The following BPIFC variants were observed in gnomAD, a reference collection of about 807,000 sequenced individuals.
BPIFC encodes the protein BPI fold containing family C, also known as BPI fold-containing family C protein.
BPIFC carries 60 observed loss-of-function variants against 57.6 expected under a neutral mutation model. That is an observed-to-expected ratio of 1.04 (90% CI 0.85 to 1.29). BPIFC has a LOEUF of 1.29. BPIFC is among the 50% of genes most tolerant of loss of function. The pLI is 0.00. For missense variants in BPIFC, 581 were observed against 600.5 expected, an observed-to-expected ratio of 0.97 and a Z score of 0.34; for synonymous variants, 243 against 224.5, an observed-to-expected ratio of 1.08 and a Z score of -0.74.
chr22:32,435,644 G>T (rs1471920618), intron 10 of BPIFC, 60 bp downstream of exon 10: 2 of 1,530,516 alleles, frequency 1.3e-6, no homozygotes, highest in Non-Finnish European at 1.8e-6. Context: ...TCTACAATAG[G>T]ATACTTATAA....
At chr22:32,459,444 A>G (rs1935111990) in intron 2 of BPIFC, among the ~76,000 whole-genome samples, 1 of 152,082 alleles carries the variant, frequency 6.6e-6, no homozygotes, top group African/African-American at 2.4e-5. Context: ...CGGGTGGATC[A>G]CGAGGTCAGG....
chr22:32,416,662 T>C (rs1207226914), intron 15 of BPIFC, among the ~76,000 whole-genome samples: 2 of 152,232 alleles, frequency 1.3e-5, no homozygotes, highest in African/African-American at 2.4e-5. Context: ...GAACAACTGC[T>C]GTGCAAGGAG....
At chr22:32,454,942 G>A (rs368013321) in intron 3 of BPIFC, among the ~76,000 whole-genome samples, 6 of 151,920 alleles carry the variant, frequency 3.9e-5, no homozygotes, top group African/African-American at 1.2e-4. Flanking sequence ...TACTTGTTGG[G>A]CCATATTTGC....
intron 9 of BPIFC, 72 bp from the exon 10 acceptor site, chr22:32,435,952 A>T: frequency 4.0e-6 from 6 of 1,493,356 alleles, no homozygotes; most frequent in Non-Finnish European, 5.4e-6. Flanking sequence ...AAGAAGATGG[A>T]CCCTCTGAAG....
At chr22:32,458,617 C>T (rs1935095914) in intron 2 of BPIFC, among the ~76,000 whole-genome samples, 1 of 152,200 alleles carries the variant, frequency 6.6e-6, no homozygotes, top group Admixed American at 6.5e-5. Context: ...CATTAGGGAA[C>T]TACTGAATGG....
chr22:32,422,104 G>A (rs541052727), intron 13 of BPIFC, among the ~76,000 whole-genome samples: 9 of 152,250 alleles, frequency 5.9e-5, no homozygotes, highest in Admixed American at 3.9e-4. Flanking sequence ...GCTGTGTTAC[G>A]ATTTTCATTT....
rs780757823 is a variant in BPIFC, at chr22:32,433,725, G to C, written c.972C>G (p.Leu324=). 1.2e-6 allele frequency: 2 copies of C among 1,613,902 alleles called. No individual in the cohort carries two copies. The highest frequency in any genetic ancestry group is 1.7e-5 in the Admixed American group (1 of 60,018). Residue 324 remains leucine, a synonymous_variant, in exon 11 of 17, where the codon CTC becomes CTG. Coordinates refer to ENST00000300399, the MANE Select transcript of BPIFC (RefSeq NM_174932.3). Reference sequence around the variant, plus strand: ...TCAAACCCTGAGCACTTACCCGGGAGAGCACGTTGCCAAGGCCTTGAGAGT... The same window carrying C: ...TCAAACCCTGAGCACTTACCCGGGACAGCACGTTGCCAAGGCCTTGAGAGT... ...VQNSQGLGNV[L]SRIAEIYILS...
At chr22:32,445,589 CT>C (rs1363312342) in intron 7 of BPIFC, 45 bp downstream of exon 7, 1 of 1,471,838 alleles carries the variant, frequency 6.8e-7, no homozygotes, top group Admixed American at 2.0e-5. Flanking sequence ...GATAGAACTT[CT>C]ACTAATGGCA....
intron 4 of BPIFC, among the ~76,000 whole-genome samples, chr22:32,447,659 G>A (rs537398864): frequency 2.0e-5 from 3 of 147,086 alleles, no homozygotes; most frequent in Non-Finnish European, 4.4e-5. Context: ...AGGTTGGAGT[G>A]CAGTGGTGTG....
At chr22:32,447,772 A>G (rs922693808) in intron 4 of BPIFC, among the ~76,000 whole-genome samples, 4 of 151,820 alleles carry the variant, frequency 2.6e-5, no homozygotes, top group Admixed American at 2.6e-4. Flanking sequence ...CACTTGGCTA[A>G]TATTTTTTAT....
At chr22:32,424,868 G>A (rs112461465) in intron 13 of BPIFC, among the ~76,000 whole-genome samples, 13,869 of 144,218 alleles carry the variant, frequency 0.096, 1,112 homozygotes, top group African/African-American at 0.21. Context: ...TGCAACCTCC[G>A]CTTCCTGCAT....
chr22:32,415,914 C>A lies in BPIFC; in HGVS notation c.1401+1G>T. ...TTAAGAGGTGAGATTTGCATTCTTA[C>A]CTCAAGAACTTCAATATCTGAATTG... On this transcript the variant is annotated splice_donor_variant, in intron 16 of 16. Coordinates refer to ENST00000300399, the MANE Select transcript of BPIFC (RefSeq NM_174932.3). LOFTEE classifies it high-confidence loss of function. The A allele has an allele frequency of 6.4e-7, 1 of 1,572,640 alleles. No homozygotes were observed. The highest frequency in any genetic ancestry group is 8.6e-7 in the Non-Finnish European group (1 of 1,156,376).
At chr22:32,463,516 C>G (rs950824573) in intron 1 of BPIFC, among the ~76,000 whole-genome samples, 2 of 151,892 alleles carry the variant, frequency 1.3e-5, no homozygotes, top group Admixed American at 6.6e-5. Flanking sequence ...TAGAAAACAC[C>G]TGAAACTCAC....
intron 2 of BPIFC, among the ~76,000 whole-genome samples, chr22:32,458,449 C>CA (rs143010494): frequency 1.3e-5 from 2 of 152,316 alleles, no homozygotes; most frequent in East Asian, 3.9e-4. Flanking sequence ...ATTATGACTC[C>CA]ACCATTGCTT....
At chr22:32,426,187 T>A (rs1308841246) in intron 13 of BPIFC, among the ~76,000 whole-genome samples, 2 of 151,768 alleles carry the variant, frequency 1.3e-5, no homozygotes, top group Non-Finnish European at 2.9e-5. Flanking sequence ...CTGGGGAGAG[T>A]AATTTGGAGC....
chr22:32,435,429 G>T (rs1934360452), intron 10 of BPIFC, among the ~76,000 whole-genome samples: 2 of 152,128 alleles, frequency 1.3e-5, no homozygotes, highest in South Asian at 4.1e-4. Flanking sequence ...TCAGATTAGG[G>T]CTGCTCAACC....
intron 7 of BPIFC, among the ~76,000 whole-genome samples, chr22:32,444,504 C>T (rs567058488): frequency 2.0e-5 from 3 of 152,230 alleles, no homozygotes; most frequent in African/African-American, 7.2e-5. Context: ...TTTTCTATTC[C>T]TCCTCATCCC....
At chr22:32,425,073 C>T (rs548460522) in intron 13 of BPIFC, among the ~76,000 whole-genome samples, 26 of 152,188 alleles carry the variant, frequency 1.7e-4, no homozygotes, top group South Asian at 6.2e-4. Flanking sequence ...TGAGCCACCA[C>T]GCCTGGCCTT....
chr22:32,442,542 G>A lies in BPIFC; in HGVS notation c.655+129C>T. 2.3e-6 allele frequency: 2 copies of A among 876,152 alleles called. 1 individual carries two copies. The highest frequency in any genetic ancestry group is 3.2e-5 in the South Asian group (2 of 62,448). The allele number at this position is 876,152 out of a possible 1,614,324, so 54.3% of individuals were successfully genotyped here. On this transcript the variant is annotated intron_variant, in intron 8 of 16. Transcript: ENST00000300399. ...ACATCCTCCCAAGCACCTTCCCGGG[G>A]CTCTAATTTGCAGAATATGAAGCAG...
Sources: allele counts gnomAD v4.1 joint callset (sites outside exome capture counted in the v4.1 genomes callset), GRCh38; gene constraint gnomAD v4.1.1; transcripts MANE v1.5; gene names NCBI Gene and HGNC (gene_info 2026-07-23, HGNC 2026-07-21).